The following ATRNL1 variants were observed in gnomAD, a reference collection of about 807,000 sequenced individuals.
ATRNL1 encodes attractin-like protein 1.
Under a neutral mutation model 182.7 loss-of-function variants are expected in ATRNL1, and 95 were observed. The observed-to-expected ratio is 0.52, with a 90% confidence interval of 0.44 to 0.62. ATRNL1 has a LOEUF of 0.62. Among genes scored for constraint, ATRNL1 ranks in the 20% least tolerant of loss-of-function variants. The probability of loss-of-function intolerance (pLI) is 0.00; values close to 1 mark genes in which losing one functional copy is unlikely to be tolerated. For synonymous variants in ATRNL1, 576 were observed against 568.3 expected, an observed-to-expected ratio of 1.01 and a Z score of -0.19; for missense variants, 1,471 against 1,679.5, an observed-to-expected ratio of 0.88 and a Z score of 2.17.
At chr10:115,446,680 A>G (rs1413631593) in intron 21 of ATRNL1, among the ~76,000 whole-genome samples, 1 of 152,058 alleles carries the variant, frequency 6.6e-6, no homozygotes, top group Non-Finnish European at 1.5e-5. Flanking sequence ...TTTAAAAAAC[A>G]TATGCAATTG....
At chr10:115,512,636 T>G (rs1850445438) in intron 24 of ATRNL1, among the ~76,000 whole-genome samples, 1 of 151,900 alleles carries the variant, frequency 6.6e-6, no homozygotes, top group South Asian at 2.1e-4. Flanking sequence ...GGAAGAGTGC[T>G]GTGAACAATA....
At chr10:115,185,602 T>G (rs376471215) in intron 8 of ATRNL1, among the ~76,000 whole-genome samples, 2 of 152,006 alleles carry the variant, frequency 1.3e-5, no homozygotes, top group African/African-American at 4.8e-5. Flanking sequence ...CAGACTGTCA[T>G]AGCTGGAGTT....
At chr10:115,475,596 G>T (rs1554972946) in intron 24 of ATRNL1, among the ~76,000 whole-genome samples, 1 of 151,244 alleles carries the variant, frequency 6.6e-6, no homozygotes, top group Admixed American at 6.6e-5. Context: ...ATTCCTCTGA[G>T]CTTCAATTAC....
At chr10:115,724,308 C>A (rs1329498408) in intron 26 of ATRNL1, among the ~76,000 whole-genome samples, 1 of 152,060 alleles carries the variant, frequency 6.6e-6, no homozygotes, top group Non-Finnish European at 1.5e-5. Flanking sequence ...CCAACTGTCT[C>A]ATAAATTTGC....
At chr10:115,298,168 A>G (rs1853298362) in intron 15 of ATRNL1, among the ~76,000 whole-genome samples, 1 of 152,200 alleles carries the variant, frequency 6.6e-6, no homozygotes, top group African/African-American at 2.4e-5. Context: ...CAGTTGTATA[A>G]ACTGAAGATA....
chr10:115,569,865 T>C (rs1565174731), intron 26 of ATRNL1, among the ~76,000 whole-genome samples: 1 of 152,086 alleles, frequency 6.6e-6, no homozygotes, highest in Non-Finnish European at 1.5e-5. Flanking sequence ...AACAGAAGTA[T>C]ATCTCATACA....
chr10:115,888,327 A>C (rs1331635662), intron 28 of ATRNL1, among the ~76,000 whole-genome samples: 1 of 152,178 alleles, frequency 6.6e-6, no homozygotes, highest in Non-Finnish European at 1.5e-5. Flanking sequence ...TTGTAACTCA[A>C]CATTCATTTT....
chr10:115,722,546 A>C (rs1450783762), intron 26 of ATRNL1, among the ~76,000 whole-genome samples: 1 of 152,160 alleles, frequency 6.6e-6, no homozygotes, highest in Non-Finnish European at 1.5e-5. Context: ...TTTTACTTGT[A>C]TTACTGTATG....
At chr10:115,812,838 T>C (rs1950078081) in intron 27 of ATRNL1, among the ~76,000 whole-genome samples, 1 of 152,046 alleles carries the variant, frequency 6.6e-6, no homozygotes, top group African/African-American at 2.4e-5. Context: ...CTCAGTAAAA[T>C]TGTATTCCTC....
chr10:115,842,178 T>A (rs1950825373), intron 27 of ATRNL1, among the ~76,000 whole-genome samples: 9 of 152,238 alleles, frequency 5.9e-5, no homozygotes, highest in Admixed American at 4.6e-4. Flanking sequence ...TCTGTTCTTG[T>A]CAAAATACTT....
chr10:115,853,252 T>C (rs1326306707), intron 28 of ATRNL1, among the ~76,000 whole-genome samples: 1 of 152,186 alleles, frequency 6.6e-6, no homozygotes, highest in Non-Finnish European at 1.5e-5. Flanking sequence ...ATATGTATTA[T>C]TAGTGACTAA....
chr10:115,639,608 A>G (rs1555029495), intron 26 of ATRNL1, among the ~76,000 whole-genome samples: 1 of 152,216 alleles, frequency 6.6e-6, no homozygotes. Context: ...CTAAGTGGAA[A>G]ATGCTGATAC....
chr10:115,424,366 A>G (rs1554962502), intron 20 of ATRNL1, among the ~76,000 whole-genome samples: 1 of 152,210 alleles, frequency 6.6e-6, no homozygotes, highest in Non-Finnish European at 1.5e-5. Flanking sequence ...TGTGGACAAC[A>G]GTATGGAAGT....
intron 26 of ATRNL1, among the ~76,000 whole-genome samples, chr10:115,666,361 T>A (rs1861000043): frequency 6.6e-6 from 1 of 152,194 alleles, no homozygotes; most frequent in South Asian, 2.1e-4. Flanking sequence ...TTGTTTATGC[T>A]TTTACTCTGT....
At chr10:115,108,196 T>C (rs981142106) in intron 1 of ATRNL1, among the ~76,000 whole-genome samples, 1 of 152,208 alleles carries the variant, frequency 6.6e-6, no homozygotes, top group South Asian at 2.1e-4. Context: ...TTCTCGCATC[T>C]TTACTATATG....
chr10:115,176,486 A>G (rs1233874346), intron 8 of ATRNL1, among the ~76,000 whole-genome samples: 23 of 152,150 alleles, frequency 1.5e-4, no homozygotes, highest in Non-Finnish European at 3.1e-4. Context: ...ATCTGGGCCA[A>G]AAATGATGAT....
At chr10:115,702,600 T>G (rs1408586590) in intron 26 of ATRNL1, among the ~76,000 whole-genome samples, 2 of 151,968 alleles carry the variant, frequency 1.3e-5, no homozygotes, top group Admixed American at 1.3e-4. Context: ...GGTTTTAGGA[T>G]ACAAAATCAA....
At chr10:115,116,423 AG>A (rs1554869975) in intron 1 of ATRNL1, among the ~76,000 whole-genome samples, 1 of 152,058 alleles carries the variant, frequency 6.6e-6, no homozygotes, top group African/African-American at 2.4e-5. Flanking sequence ...TTGGAATGTA[AG>A]GGTATTAGGA....
rs1554971639 is a variant in ATRNL1 at position 115,469,289 on chromosome 10, A to G, written c.3614A>G (p.Tyr1205Cys). Residue 1205 changes from tyrosine (Y) to cysteine (C), a missense_variant, in exon 24 of 29, where the codon TAT (tyrosine) becomes TGT (cysteine). Tyr to Cys is a radical substitution (Grantham distance 194). Around this residue, in one of 3 missense-constraint regions of ATRNL1, gnomAD observed 437 missense variants for 506.0 expected, o/e 0.86. Transcript: ENST00000355044. ...NFRSNPNITF[Y>C]VYVSNFSWPI... The stretch of plus-strand genomic sequence containing the variant: ...AGAAGCAATCCTAACATTACATTCT[A>G]TGTGTACGTCAGCAACTTTTCCTGG... The G allele has an allele frequency of 1.7e-5, 26 of 1,537,724 alleles. No homozygotes were observed. The highest frequency in any genetic ancestry group is 2.3e-5 in the Non-Finnish European group (26 of 1,145,452).
Sources: allele counts gnomAD v4.1 joint callset (sites outside exome capture counted in the v4.1 genomes callset), GRCh38; gene constraint gnomAD v4.1.1; regional missense constraint gnomAD v4.1.1; transcripts MANE v1.5; gene names NCBI Gene and HGNC (gene_info 2026-07-23, HGNC 2026-07-21).